Variants in UBE2D2 observed in about 807,000 individuals in gnomAD.
UBE2D2 encodes ubiquitin-conjugating enzyme E2 D2.
A neutral mutation model predicts 24.2 loss-of-function variants in UBE2D2; 2 were observed. That is an observed-to-expected ratio of 0.08 (90% CI 0.03 to 0.26). The LOEUF (loss-of-function observed/expected upper bound fraction) is 0.26. Among genes scored for constraint, UBE2D2 ranks in the 10% least tolerant of loss-of-function variants. The pLI, the probability that UBE2D2 is intolerant of heterozygous loss-of-function variation, is 1.00. For missense variants in UBE2D2, 44 were observed against 177.6 expected (o/e 0.25, Z 4.28); for synonymous variants, 58 against 56.5 (o/e 1.03, Z -0.12).
intron 1 of UBE2D2, chr5:139,562,105 C>T: frequency 1.0e-6 from 1 of 998,100 alleles, no homozygotes; most frequent in Non-Finnish European, 1.4e-6. Context: ...GGGACTGCCG[C>T]TGCACTTGAG....
At chr5:139,540,723 G>A (rs1581481145) in intron 1 of UBE2D2, among the ~76,000 whole-genome samples, 1 of 152,174 alleles carries the variant, frequency 6.6e-6, no homozygotes, top group African/African-American at 2.4e-5. Flanking sequence ...AGGCACGGTG[G>A]TTCATGCCTG....
chr5:139,550,138 A>G (rs1305046615), intron 1 of UBE2D2, among the ~76,000 whole-genome samples: 1 of 151,922 alleles, frequency 6.6e-6, no homozygotes, highest in African/African-American at 2.4e-5. Flanking sequence ...AAATACACCA[A>G]TCAGCATTCT....
At chr5:139,582,399 C>T (rs936206094) in intron 1 of UBE2D2, among the ~76,000 whole-genome samples, 4 of 151,614 alleles carry the variant, frequency 2.6e-5, no homozygotes, top group African/African-American at 7.3e-5. Context: ...TTAGTAGAGA[C>T]GGGGTTTCAC....
At chr5:139,622,459 G>T (rs1287825788) in intron 5 of UBE2D2, among the ~76,000 whole-genome samples, 1 of 150,430 alleles carries the variant, frequency 6.6e-6, no homozygotes. Context: ...TGGCCAGGAT[G>T]GTCTCAATCT....
At chr5:139,608,786 A>G (rs1473434446) in intron 2 of UBE2D2, among the ~76,000 whole-genome samples, 3 of 152,262 alleles carry the variant, frequency 2.0e-5, no homozygotes, top group Middle Eastern at 3.4e-3. Flanking sequence ...ATATTTAGCT[A>G]AAAATTTCTG....
chr5:139,593,031 T>C (rs1210200004), intron 1 of UBE2D2, among the ~76,000 whole-genome samples: 3 of 148,824 alleles, frequency 2.0e-5, no homozygotes, highest in Non-Finnish European at 4.5e-5. Flanking sequence ...AGTCTCGCTC[T>C]GTTACCCAGG....
chr5:139,571,911 A>G (rs1400139479), intron 1 of UBE2D2, among the ~76,000 whole-genome samples: 1 of 151,070 alleles, frequency 6.6e-6, no homozygotes, highest in Admixed American at 6.6e-5. Context: ...ATCCAAACTT[A>G]TCGAAGGTTT....
rs181916440 is a variant in UBE2D2, at chr5:139,606,566, T to A, written c.88+6131T>A. Among the ~76,000 whole-genome samples, 40 of 152,300 alleles carry A rather than the reference T, an allele frequency of 2.6e-4. 1 individual carries two copies. Among genetic ancestry groups the A allele is most frequent in the African/African-American group, 9.1e-4 (38 of 41,562 alleles). ...ATAAAACAGATTATGTAACTTTCAG[T>A]TTGTGTAATTTGGTTTGATAGTATT... On this transcript the variant is annotated intron_variant, in intron 2 of 6. Transcript: ENST00000398733.
At chr5:139,581,397 C>T (rs1442907545) in intron 1 of UBE2D2, among the ~76,000 whole-genome samples, 1 of 151,662 alleles carries the variant, frequency 6.6e-6, no homozygotes, top group Non-Finnish European at 1.5e-5. Flanking sequence ...TGCAGTGAGC[C>T]GAGATCACGC....
chr5:139,624,246 G>T (rs1471375728), intron 6 of UBE2D2, among the ~76,000 whole-genome samples: 1 of 152,134 alleles, frequency 6.6e-6, no homozygotes, highest in Non-Finnish European at 1.5e-5. Context: ...ATTGTACTAT[G>T]AATTATTGAA....
At chr5:139,557,545 C>A (rs555164370), upstream of UBE2D2, among the ~76,000 whole-genome samples, 1 of 152,002 alleles carries the variant, frequency 6.6e-6, no homozygotes, top group Non-Finnish European at 1.5e-5. Context: ...GTCTGGAGTT[C>A]GAGACCAGCC....
intron 1 of UBE2D2, among the ~76,000 whole-genome samples, chr5:139,588,731 A>T (rs1357663008): frequency 6.6e-6 from 1 of 152,194 alleles, no homozygotes; most frequent in African/African-American, 2.4e-5. Flanking sequence ...CAACATTGTC[A>T]CACAGATCGT....
chr5:139,621,361 A>G (rs1052879834), intron 5 of UBE2D2, among the ~76,000 whole-genome samples: 3 of 152,256 alleles, frequency 2.0e-5, no homozygotes, highest in South Asian at 2.1e-4. Context: ...CACCGAGGAA[A>G]TGGCTTAGAT....
At chr5:139,548,193 A>ATAAATAAATAAAAAT (rs1752862435) in intron 1 of UBE2D2, among the ~76,000 whole-genome samples, 1 of 47,104 alleles carries the variant, frequency 2.1e-5, no homozygotes, top group East Asian at 6.6e-4. Context: ...ATAAAAAAAA[A>ATAAATAAATAAAAAT]AAATAAATAA....
chr5:139,595,590 C>T (rs1162852899), intron 1 of UBE2D2, among the ~76,000 whole-genome samples: 2 of 152,064 alleles, frequency 1.3e-5, no homozygotes. Flanking sequence ...GTTGGCCAGG[C>T]TGGTCTCGAA....
intron 2 of UBE2D2, among the ~76,000 whole-genome samples, chr5:139,604,592 C>A (rs1456577637): frequency 6.6e-6 from 1 of 152,098 alleles, no homozygotes; most frequent in Non-Finnish European, 1.5e-5. Flanking sequence ...ATCAAAACTA[C>A]AGTGAAGAAG....
chr5:139,598,501 T>A (rs1754004591), intron 1 of UBE2D2, among the ~76,000 whole-genome samples: 1 of 151,472 alleles, frequency 6.6e-6, no homozygotes, highest in South Asian at 2.1e-4. Flanking sequence ...GAGAAGCTGG[T>A]AACTGGTTGT....
intron 1 of UBE2D2, among the ~76,000 whole-genome samples, chr5:139,590,079 T>A (rs914691119): frequency 6.6e-6 from 1 of 152,058 alleles, no homozygotes; most frequent in African/African-American, 2.4e-5. Flanking sequence ...CCATTGCACC[T>A]GGCCAGGGGT....
At chr5:139,609,235 T>A (rs1241183287) in intron 2 of UBE2D2, among the ~76,000 whole-genome samples, 2 of 152,172 alleles carry the variant, frequency 1.3e-5, no homozygotes, top group African/African-American at 2.4e-5. Flanking sequence ...TTAATTTTTT[T>A]AATTGTCTCA....
Sources: allele counts gnomAD v4.1 joint callset (sites outside exome capture counted in the v4.1 genomes callset), GRCh38; gene constraint gnomAD v4.1.1; transcripts MANE v1.5; gene names NCBI Gene and HGNC (gene_info 2026-07-23, HGNC 2026-07-21).